The following TOPBP1 variants were observed in gnomAD, a reference collection of about 807,000 sequenced individuals.
The protein encoded by TOPBP1 is DNA topoisomerase II binding protein 1, also known as DNA topoisomerase 2-binding protein 1.
A neutral mutation model predicts 167.7 loss-of-function variants in TOPBP1; 28 were observed. The observed-to-expected ratio is 0.17, with a 90% confidence interval of 0.12 to 0.23. The LOEUF (loss-of-function observed/expected upper bound fraction) is 0.23, where lower values mean the gene tolerates loss of function less well. TOPBP1 is among the 10% of genes least tolerant of loss of function. The pLI, the probability that TOPBP1 is intolerant of heterozygous loss-of-function variation, is 1.00. For missense variants in TOPBP1, 1,554 were observed against 1,809.6 expected, an observed-to-expected ratio of 0.86 and a Z score of 2.56; for synonymous variants, 598 against 611.4, an observed-to-expected ratio of 0.98 and a Z score of 0.32.
In TOPBP1 at chr3:133,659,062, T is replaced by C; in HGVS notation, c.173A>G (p.Tyr58Cys). 1.9e-6 allele frequency: 3 copies of C among 1,597,354 alleles called. No homozygotes were observed. Among genetic ancestry groups the C allele is most frequent in the Non-Finnish European group, 2.6e-6 (3 of 1,171,552 alleles). The change falls in exon 3 of 28, where the codon TAT becomes TGT. Residue 58 changes from tyrosine to cysteine, a missense_variant. Coordinates refer to ENST00000260810, the MANE Select transcript of TOPBP1 (RefSeq NM_007027.4). ...LKIKENDRSL[Y>C]ICDPFSGVVF... The stretch of plus-strand genomic sequence containing the variant: ...AACGCCACTAAAAGGGTCACAGATA[T>C]AAAGTGATCTATCATTCTCCTTTAT...
chr3:133,660,356 T>C (rs1187991903), intron 2 of TOPBP1, among the ~76,000 whole-genome samples: 1 of 152,196 alleles, frequency 6.6e-6, no homozygotes, highest in Non-Finnish European at 1.5e-5. Context: ...CCTGCTAGAA[T>C]GTAAGCTCTG....
At chr3:133,626,420 T>G (rs1262905450) in intron 16 of TOPBP1, among the ~76,000 whole-genome samples, 1 of 152,210 alleles carries the variant, frequency 6.6e-6, no homozygotes, top group Non-Finnish European at 1.5e-5. Flanking sequence ...CAGTCATACA[T>G]ATAATTATGT....
chr3:133,657,929 T>C lies in TOPBP1; in HGVS notation c.232A>G (p.Ile78Val), dbSNP rs1378809939. 2 of 1,561,740 alleles carry C rather than the reference T, an allele frequency of 1.3e-6. No individual in the cohort carries two copies. Among genetic ancestry groups the C allele is most frequent in the Non-Finnish European group, 1.7e-6 (2 of 1,161,956 alleles). ...FDHLKKLGCR[I>V]VGPQVVIFCM... is the part of the protein sequence containing the mutation. ...AATATGACTACTTGAGGACCAACAA[T>C]TCTGCAGCCAAGCTACAAAAAAGAG... The change falls in exon 4 of 28, where the codon ATT becomes GTT. Residue 78 changes from isoleucine to valine, a missense_variant. Physicochemically the swap from Ile to Val is conservative, Grantham distance 29. Transcript: ENST00000260810.
intron 16 of TOPBP1, among the ~76,000 whole-genome samples, chr3:133,626,852 T>C (rs182709820): frequency 2.3e-4 from 35 of 152,362 alleles, no homozygotes; most frequent in Non-Finnish European, 4.7e-4. Context: ...GTTATATTTA[T>C]ATTCATTTTA....
At chr3:133,660,893 A>C (rs886793165) in intron 2 of TOPBP1, 151 bp downstream of exon 2, 31 of 558,002 alleles carry the variant, frequency 5.6e-5, no homozygotes, top group Non-Finnish European at 8.2e-5. Flanking sequence ...TCAATTCAAA[A>C]ATATGTGATA....
At chr3:133,628,820 A>C (rs1243296132) in intron 14 of TOPBP1, 87 bp from the exon 15 acceptor site, 2 of 1,325,588 alleles carry the variant, frequency 1.5e-6, no homozygotes, top group African/African-American at 1.5e-5. Flanking sequence ...AAAAAGAAAG[A>C]GGAGGAGAGA....
In TOPBP1 at chr3:133,600,258, A is replaced by G. The variant is rs576515140; in HGVS notation, c.*992T>C. The G allele has an allele frequency of 2.8e-3, 366 of 131,390 alleles. No individual in the cohort carries two copies. The highest frequency in any genetic ancestry group is 4.0e-3 in the Non-Finnish European group (251 of 63,448). The allele number at this position is 131,390 out of a possible 1,614,324, so 8.1% of individuals were successfully genotyped here. A position where few individuals can be genotyped will look rare whatever the true frequency, so the allele number is the denominator to read the frequency against. ...AATTCTTTTTTTTTTTTTTTTTGAG[A>G]TGGAGTTTCGCTCTTGTTGCCCAGG... On this transcript the variant is annotated 3_prime_UTR_variant, in exon 28 of 28. Coordinates refer to ENST00000260810, the MANE Select transcript of TOPBP1 (RefSeq NM_007027.4).
At position 133,649,953 on chromosome 3, in the gene TOPBP1, A is replaced by G; in HGVS notation, c.1090-10T>C. ...AACCGCAAAGATATATCTGCAAGAAAGAAAATATTTAATATACATAACATG... is the reference window on the plus strand; with the variant it reads ...AACCGCAAAGATATATCTGCAAGAAGGAAAATATTTAATATACATAACATG... On this transcript the variant is annotated splice_polypyrimidine_tract_variant and intron_variant, in intron 8 of 27. Transcript: ENST00000260810. The G allele has an allele frequency of 6.4e-7, 1 of 1,556,326 alleles. No individual in the cohort carries two copies. Among genetic ancestry groups the G allele is most frequent in the Non-Finnish European group, 8.6e-7 (1 of 1,157,010 alleles).
chr3:133,656,339 A>G (rs761771968), intron 5 of TOPBP1, among the ~76,000 whole-genome samples: 1 of 152,268 alleles, frequency 6.6e-6, no homozygotes, highest in East Asian at 1.9e-4. Context: ...CTATCTTAAC[A>G]TATGGGAATG....
chr3:133,633,310 G>A (rs1293017287), intron 14 of TOPBP1, among the ~76,000 whole-genome samples: 2 of 152,086 alleles, frequency 1.3e-5, no homozygotes, highest in Non-Finnish European at 1.5e-5. Context: ...TCAATCCACT[G>A]GCCAATTTTC....
intron 18 of TOPBP1, 52 bp downstream of exon 18, chr3:133,623,259 T>G: frequency 1.9e-6 from 3 of 1,611,942 alleles, no homozygotes; most frequent in Non-Finnish European, 2.5e-6. Flanking sequence ...TAGCAATATA[T>G]GATTATACCT....
chr3:133,631,189 A>G (rs1184109377), intron 14 of TOPBP1, among the ~76,000 whole-genome samples: 6 of 152,234 alleles, frequency 3.9e-5, no homozygotes, highest in Non-Finnish European at 8.8e-5. Context: ...ATCCTATTTC[A>G]AGAAAAACCC....
At chr3:133,638,291 C>A in intron 13 of TOPBP1, 129 bp from the exon 14 acceptor site, 2 of 878,720 alleles carry the variant, frequency 2.3e-6, no homozygotes, top group South Asian at 1.8e-5. Context: ...CTCAAGAGAT[C>A]CATCTACCTC....
intron 16 of TOPBP1, among the ~76,000 whole-genome samples, chr3:133,624,465 C>A (rs755468400): frequency 6.6e-5 from 10 of 152,112 alleles, no homozygotes; most frequent in Non-Finnish European, 1.3e-4. Flanking sequence ...CACAGCAAGA[C>A]CCCGCCTCAA....
rs778961805 is a variant in TOPBP1 at position 133,601,316 on chromosome 3, A to T, written c.4503T>A (p.Thr1501=). The part of the protein sequence containing the change: ...SFIQNNKELG[T]GLSQKRKAPT... Reference sequence around the variant, plus strand: ...GAGCTTTCCTCTTTTGTGATAATCCAGTCCCAAGTTCCTTATTATTCTGAA... The same window carrying T: ...GAGCTTTCCTCTTTTGTGATAATCCTGTCCCAAGTTCCTTATTATTCTGAA... The change falls in exon 28 of 28, where the codon ACT becomes ACA. Residue 1501 remains threonine, a synonymous_variant. Coordinates refer to ENST00000260810, the MANE Select transcript of TOPBP1 (RefSeq NM_007027.4). The T allele has an allele frequency of 6.2e-7, 1 of 1,605,580 alleles. No homozygotes were observed. Among genetic ancestry groups the T allele is most frequent in the Non-Finnish European group, 8.5e-7 (1 of 1,176,122 alleles).
chr3:133,629,565 T>TA (rs577164813), intron 14 of TOPBP1, among the ~76,000 whole-genome samples: 8 of 152,102 alleles, frequency 5.3e-5, no homozygotes, highest in South Asian at 2.1e-4. Context: ...AATTTCTTTT[T>TA]AAAAAAACTA....
intron 16 of TOPBP1, among the ~76,000 whole-genome samples, chr3:133,627,571 T>C (rs1321547542): frequency 6.6e-6 from 1 of 152,218 alleles, no homozygotes; most frequent in African/African-American, 2.4e-5. Context: ...TCCTAATTTC[T>C]TTATCAAATA....
At chr3:133,618,163 G>T in intron 21 of TOPBP1, 50 bp downstream of exon 21, 1 of 1,464,896 alleles carries the variant, frequency 6.8e-7, no homozygotes, top group South Asian at 1.2e-5. Flanking sequence ...ATTTTTAAGA[G>T]GTCAACATGT....
In TOPBP1 at chr3:133,638,087, A is replaced by G; in HGVS notation, c.2309T>C (p.Leu770Pro). Residue 770 changes from leucine to proline, a missense_variant, in exon 14 of 28, where the codon CTG (leucine) becomes CCG (proline). Leu to Pro is a moderately conservative substitution (Grantham distance 98). Around this residue, in one of 3 missense-constraint regions of TOPBP1, gnomAD observed 1,197 missense variants for 1,351.5 expected, o/e 0.89. Coordinates refer to ENST00000260810, the MANE Select transcript of TOPBP1 (RefSeq NM_007027.4). Reference protein sequence around the residue: ...SDTAEHPGTRLQTHRKTVVTP... With the variant: ...SDTAEHPGTRPQTHRKTVVTP... ...AACGACGGTTTTTCTGTGAGTTTGC[A>G]GGCGTGTGCCAGGATGCTCTGCAGT... 6.2e-7 allele frequency: 1 copy of G among 1,614,040 alleles called. No homozygotes were observed. The highest frequency in any genetic ancestry group is 8.5e-7 in the Non-Finnish European group (1 of 1,179,880).
Sources: gnomAD v4.1 joint callset for allele counts (sites outside exome capture counted in the v4.1 genomes callset) on GRCh38, gnomAD v4.1.1 for gene constraint, gnomAD v4.1.1 regional missense constraint, MANE v1.5 for transcripts, NCBI Gene and HGNC (gene_info 2026-07-23, HGNC 2026-07-21) for gene names.